Variants in DIPK2A observed in about 807,000 individuals in gnomAD.
The protein encoded by DIPK2A is divergent protein kinase domain 2A.
Under a neutral mutation model 39.0 loss-of-function variants are expected in DIPK2A, and 27 were observed. The observed-to-expected ratio is 0.69, with a 90% confidence interval of 0.51 to 0.96. The LOEUF is 0.96. Among genes scored for constraint, DIPK2A ranks in the 40% least tolerant of loss-of-function variants. The pLI, the probability that DIPK2A is intolerant of heterozygous loss-of-function variation, is 0.00. For synonymous variants in DIPK2A, 298 were observed against 240.8 expected, an observed-to-expected ratio of 1.24 and a Z score of -2.20; for missense variants, 528 against 571.3, an observed-to-expected ratio of 0.92 and a Z score of 0.77.
At chr3:143,977,714 G>C (rs2087750590) in intron 1 of DIPK2A, among the ~76,000 whole-genome samples, 1 of 152,012 alleles carries the variant, frequency 6.6e-6, no homozygotes, top group East Asian at 1.9e-4. Context: ...AATAAATTTT[G>C]TAAGTTTTTG....
Position 143,990,107 on chromosome 3 carries a change from A to T in DIPK2A, c.*266A>T, listed in dbSNP as rs140420756. ...CCACTACCCCGGAATGCTTGAGTGG[A>T]TTAATGAATATTGTTAAGCTATTGG... On this transcript the variant is annotated 3_prime_UTR_variant, in exon 3 of 3. Transcript: ENST00000315691. 6.4e-4 allele frequency: 250 copies of T among 388,138 alleles called. No individual in the cohort carries two copies. The highest frequency in any genetic ancestry group is 4.8e-3 in the African/African-American group (237 of 49,894). The allele number at this position is 388,138 out of a possible 1,614,324, so 24.0% of individuals were successfully genotyped here.
Position 143,972,468 on chromosome 3 carries a change from G to T in DIPK2A, c.136G>T (p.Asp46Tyr). Residue 46 changes from aspartate to tyrosine, a missense_variant, in exon 1 of 3, where the codon GAC becomes TAC. Coordinates refer to ENST00000315691, the MANE Select transcript of DIPK2A (RefSeq NM_173552.5). ...LASWQRNELT[D>Y]RRFLQLNKCP... ...CTCTTGGCAGCGCAACGAACTGACCGACCGGCGCTTCCTGCAGCTCAATAA... is the reference window on the plus strand; with the variant it reads ...CTCTTGGCAGCGCAACGAACTGACCTACCGGCGCTTCCTGCAGCTCAATAA... 1 of 1,604,710 alleles carries T rather than the reference G, an allele frequency of 6.2e-7. No individual in the cohort carries two copies.
In DIPK2A at chr3:143,991,730, T is replaced by G. The variant is rs1204840451; in HGVS notation, c.*1889T>G. On this transcript the variant is annotated 3_prime_UTR_variant, in exon 3 of 3. Transcript: ENST00000315691. Reference sequence around the variant, plus strand: ...AACTTTGGGAGATTTTTGAGGGGAGTGTTGAAAATTGCCAAACACTCACCT... The same window carrying G: ...AACTTTGGGAGATTTTTGAGGGGAGGGTTGAAAATTGCCAAACACTCACCT... 6.6e-6 allele frequency: 1 copy of G among 152,208 alleles called. No individual in the cohort carries two copies. The highest frequency in any genetic ancestry group is 1.9e-4 in the East Asian group (1 of 5,204). The allele number at this position is 152,208 out of a possible 1,614,324, so 9.4% of individuals were successfully genotyped here.
intron 1 of DIPK2A, among the ~76,000 whole-genome samples, chr3:143,980,434 A>G (rs1443334042): frequency 6.6e-6 from 1 of 151,746 alleles, no homozygotes; most frequent in Non-Finnish European, 1.5e-5. Flanking sequence ...CGCCTGGCTA[A>G]TTTTTGTGTT....
chr3:143,986,994 A>G (rs1190630002), intron 2 of DIPK2A, among the ~76,000 whole-genome samples: 4 of 152,116 alleles, frequency 2.6e-5, no homozygotes. Context: ...TACTTTTTGC[A>G]TGATCTTGGC....
chr3:143,972,571 T>G lies in DIPK2A; in HGVS notation c.239T>G (p.Leu80Trp), dbSNP rs1384036892. Reference sequence around the variant, plus strand: ...GTGGTATTCGAGGCGTGGGGCCGCTTGCGCCTGCTGGACTTCCTCAACGTG... The same window carrying G: ...GTGGTATTCGAGGCGTGGGGCCGCTGGCGCCTGCTGGACTTCCTCAACGTG... The part of the protein sequence containing the change: ...GQVVFEAWGR[L>W]RLLDFLNVKN... Residue 80 changes from leucine to tryptophan, a missense_variant, in exon 1 of 3, where the codon TTG becomes TGG. Around this residue, in one of 2 missense-constraint regions of DIPK2A, gnomAD observed 309 missense variants for 289.8 expected, o/e 1.07. Coordinates refer to ENST00000315691, the MANE Select transcript of DIPK2A (RefSeq NM_173552.5). The G allele has an allele frequency of 6.2e-7, 1 of 1,612,240 alleles. No individual in the cohort carries two copies. The highest frequency in any genetic ancestry group is 8.5e-7 in the Non-Finnish European group (1 of 1,179,706).
At chr3:143,986,011 G>C in intron 2 of DIPK2A, 165 bp downstream of exon 2, 1 of 595,044 alleles carries the variant, frequency 1.7e-6, no homozygotes, top group Non-Finnish European at 2.9e-6. Flanking sequence ...GATACTCTTT[G>C]ACTTACTGGG....
At chr3:143,973,751 C>T (rs890122562) in intron 1 of DIPK2A, 1 of 603,834 alleles carries the variant, frequency 1.7e-6, no homozygotes, top group African/African-American at 1.9e-5. Flanking sequence ...GGGCGAGTAT[C>T]AGGGAAGGAG....
At chr3:143,974,365 T>A (rs1487720618) in intron 1 of DIPK2A, among the ~76,000 whole-genome samples, 1 of 152,290 alleles carries the variant, frequency 6.6e-6, no homozygotes, top group Middle Eastern at 3.4e-3. Flanking sequence ...TCAGAGTGTG[T>A]TTTAAATACT....
intron 1 of DIPK2A, chr3:143,978,602 C>CTATATATATATATCTATATCTA (rs2087765120): frequency 7.3e-6 from 1 of 137,538 alleles, no homozygotes; most frequent in Non-Finnish European, 1.6e-5. Context: ...ATCTATCTAT[C>CTATATATATATATCTATATCTA]TATATATATA....
chr3:143,973,097 G>A, intron 1 of DIPK2A, 108 bp downstream of exon 1: 2 of 1,389,566 alleles, frequency 1.4e-6, no homozygotes, highest in South Asian at 2.5e-5. Flanking sequence ...GACTCGGCCG[G>A]GCTGGGCCAG....
At chr3:143,973,365 G>C in intron 1 of DIPK2A, 2 of 1,546,478 alleles carry the variant, frequency 1.3e-6, no homozygotes, top group South Asian at 2.4e-5. Context: ...GGCGCAGACT[G>C]TTCACGAGCC....
chr3:143,973,259 C>A, intron 1 of DIPK2A: 1 of 1,232,972 alleles, frequency 8.1e-7, no homozygotes, highest in Non-Finnish European at 1.1e-6. Context: ...AGAGGGAGTG[C>A]GTCTCTTAAC....
chr3:143,973,370 CG>C, intron 1 of DIPK2A: 1 of 1,546,822 alleles, frequency 6.5e-7, no homozygotes, highest in Non-Finnish European at 8.7e-7. Context: ...AGACTGTTCA[CG>C]AGCCCTTGGA....
At chr3:143,977,451 C>T (rs2087747211) in intron 1 of DIPK2A, among the ~76,000 whole-genome samples, 1 of 151,986 alleles carries the variant, frequency 6.6e-6, no homozygotes, top group South Asian at 2.1e-4. Flanking sequence ...CAAATTTTTA[C>T]ACACATGAAA....
In DIPK2A at chr3:143,973,214, C is replaced by T. The variant is rs1559852208; in HGVS notation, c.657+225C>T. 6.7e-6 allele frequency: 7 copies of T among 1,052,602 alleles called. No individual in the cohort carries two copies. The South Asian group carries it at 8.2e-5, about 12-fold the overall frequency. The allele number at this position is 1,052,602 out of a possible 1,614,324, so 65.2% of individuals were successfully genotyped here. On this transcript the variant is annotated intron_variant, in intron 1 of 2. Coordinates refer to ENST00000315691, the MANE Select transcript of DIPK2A (RefSeq NM_173552.5). ...TCTGCTCTTGTTACCTAGATTCGGG[C>T]GCATTTCGGATTTGACTGTGGATCT... is the stretch of plus-strand genomic sequence containing the variant.
rs2087958124 is a variant in DIPK2A at position 143,989,983 on chromosome 3, C to T, written c.*142C>T. ...TTGCACTGATAGATCTTAATGTTAA[C>T]ATCCATCAAAATAAGACATTACTTC... is the stretch of plus-strand genomic sequence containing the variant. On this transcript the variant is annotated 3_prime_UTR_variant, in exon 3 of 3. Transcript: ENST00000315691. 3.2e-6 allele frequency: 2 copies of T among 631,958 alleles called. No individual in the cohort carries two copies. Among genetic ancestry groups the T allele is most frequent in the East Asian group, 2.7e-5 (1 of 36,412 alleles). 39.1% of individuals were successfully genotyped at this position (631,958 alleles called of 1,614,324 possible).
intron 1 of DIPK2A, among the ~76,000 whole-genome samples, chr3:143,979,591 A>G (rs1378599236): frequency 6.6e-6 from 1 of 152,156 alleles, no homozygotes; most frequent in East Asian, 1.9e-4. Flanking sequence ...AGTGCCAGGA[A>G]CTGATCTGTA....
intron 1 of DIPK2A, among the ~76,000 whole-genome samples, chr3:143,980,334 C>T (rs2107843216): frequency 6.6e-6 from 1 of 152,288 alleles, no homozygotes. Context: ...GTGGCGTGAT[C>T]TCAGTTCACT....
Sources: allele counts gnomAD v4.1 joint callset (sites outside exome capture counted in the v4.1 genomes callset), GRCh38; gene constraint gnomAD v4.1.1; regional missense constraint gnomAD v4.1.1; transcripts MANE v1.5; gene names NCBI Gene and HGNC (gene_info 2026-07-23, HGNC 2026-07-21).